The following ADIPOR1 variants were observed in gnomAD, a reference collection of about 807,000 sequenced individuals.
ADIPOR1 encodes the protein adiponectin receptor protein 1.
Under a neutral mutation model 37.5 loss-of-function variants are expected in ADIPOR1, and 15 were observed. The ratio of observed to expected loss-of-function variants is 0.40; its 90% CI spans 0.27 to 0.62. The LOEUF is 0.62. Among genes scored for constraint, ADIPOR1 ranks in the 20% least tolerant of loss-of-function variants. The pLI is 0.42. For synonymous variants in ADIPOR1, 173 were observed against 173.2 expected (o/e 1.00, Z 0.01); for missense variants, 286 against 478.0 (o/e 0.60, Z 3.75).
intron 6 of ADIPOR1, among the ~76,000 whole-genome samples, chr1:202,942,700 A>T (rs1654145113): frequency 1.3e-5 from 2 of 152,210 alleles, no homozygotes; most frequent in Non-Finnish European, 2.9e-5. Flanking sequence ...AAGTAAGGCA[A>T]GAGCAAGGGA....
intron 2 of ADIPOR1, 68 bp downstream of exon 2, chr1:202,950,862 A>G: frequency 6.3e-7 from 1 of 1,593,352 alleles, no homozygotes; most frequent in Non-Finnish European, 8.6e-7. Flanking sequence ...GCTCTTAAAA[A>G]AGAGAAAATG....
chr1:202,944,438 TACAC>T (rs1306914483), intron 5 of ADIPOR1: 1 of 154,182 alleles, frequency 6.5e-6, no homozygotes, highest in Non-Finnish European at 1.4e-5. Context: ...AACAAAATAA[TACAC>T]CACTGTCGCC....
chr1:202,953,723 A>C (rs921412822), intron 1 of ADIPOR1, among the ~76,000 whole-genome samples: 1 of 152,332 alleles, frequency 6.6e-6, no homozygotes, highest in Non-Finnish European at 1.5e-5. Flanking sequence ...AAGTTGAACA[A>C]GTTATAGTAT....
chr1:202,943,588 T>C (rs1462387646), intron 6 of ADIPOR1, among the ~76,000 whole-genome samples, 170 bp downstream of exon 6: 1 of 152,192 alleles, frequency 6.6e-6, no homozygotes, highest in East Asian at 1.9e-4. Context: ...AGTATGACAC[T>C]GGGGGTTGAG....
At chr1:202,946,730 G>A in intron 3 of ADIPOR1, 120 bp from the exon 4 acceptor site, 1 of 973,662 alleles carries the variant, frequency 1.0e-6, no homozygotes, top group South Asian at 1.6e-5. Context: ...CTAGGTAATA[G>A]TGGAGAACCA....
intron 3 of ADIPOR1, 86 bp downstream of exon 3, chr1:202,948,218 C>T (rs1267781196): frequency 2.0e-5 from 22 of 1,100,816 alleles, no homozygotes; most frequent in Admixed American, 7.4e-5. Context: ...AAAAGCTCTT[C>T]GACCCAGTGC....
At chr1:202,953,827 G>A (rs1373135945) in intron 1 of ADIPOR1, among the ~76,000 whole-genome samples, 3 of 152,178 alleles carry the variant, frequency 2.0e-5, no homozygotes, top group African/African-American at 7.2e-5. Context: ...TGGAGGGAGA[G>A]AACCCCTCAA....
rs1168476808 is a variant in ADIPOR1 at position 202,941,552 on chromosome 1, C to T, written c.*21G>A. The stretch of plus-strand genomic sequence containing the variant: ...TAAAAGCACTTGGGAAGTTCCTCCT[C>T]CACCCCGCAGGTGGGAAGGCTCAGA... On this transcript the variant is annotated 3_prime_UTR_variant, in exon 8 of 8. Transcript: ENST00000340990. 4.4e-6 allele frequency: 7 copies of T among 1,592,902 alleles called. No individual in the cohort carries two copies. In the African/African-American group the frequency reaches 8.2e-5, roughly 19 times the overall value.
At chr1:202,942,877 T>TG (rs1654153800) in intron 6 of ADIPOR1, among the ~76,000 whole-genome samples, 1 of 151,104 alleles carries the variant, frequency 6.6e-6, no homozygotes, top group African/African-American at 2.4e-5. Context: ...CTTTCTTTTT[T>TG]TTTTTTGAGA....
upstream of ADIPOR1, chr1:202,958,337 C>T (rs1364582031): frequency 7.9e-5 from 12 of 152,430 alleles, no homozygotes; most frequent in Admixed American, 7.8e-4. Flanking sequence ...GCAGCCGCGT[C>T]ACCTCCTCGC....
At chr1:202,952,926 C>A (rs1291280710) in intron 1 of ADIPOR1, among the ~76,000 whole-genome samples, 3 of 152,184 alleles carry the variant, frequency 2.0e-5, no homozygotes, top group Admixed American at 6.6e-5. Context: ...TGAAAGCAAC[C>A]GGCAATCTAG....
chr1:202,946,590 C>T lies in ADIPOR1; in HGVS notation c.279G>A (p.Arg93=), dbSNP rs1444781463. 1.9e-6 allele frequency: 3 copies of T among 1,613,770 alleles called. No homozygotes were observed. The highest frequency in any genetic ancestry group is 2.5e-6 in the Non-Finnish European group (3 of 1,179,996). Residue 93 remains arginine (R), a synonymous_variant, in exon 4 of 8, where the codon AGG becomes AGA. Transcript: ENST00000340990. ...CAGGGAGCACATCATATGGGATGAC[C>T]CTCCAACGTCCCTCCCAGACCTAGA... ...FVYKVWEGRW[R]VIPYDVLPDW...
At chr1:202,953,811 G>A (rs1418526078) in intron 1 of ADIPOR1, among the ~76,000 whole-genome samples, 1 of 152,210 alleles carries the variant, frequency 6.6e-6, no homozygotes, top group Non-Finnish European at 1.5e-5. Flanking sequence ...TGCTCCAGGA[G>A]GGCAGTGGAG....
intron 2 of ADIPOR1, among the ~76,000 whole-genome samples, chr1:202,950,409 A>C (rs937387358): frequency 9.2e-5 from 14 of 152,136 alleles, no homozygotes; most frequent in Non-Finnish European, 2.9e-5. Flanking sequence ...TCTTATCTCA[A>C]TAAAAATAAA....
chr1:202,945,202 G>GA, intron 4 of ADIPOR1, 33 bp from the exon 5 acceptor site: 1 of 1,534,284 alleles, frequency 6.5e-7, no homozygotes, highest in Non-Finnish European at 8.8e-7. Flanking sequence ...AAACCTGTAA[G>GA]AAAAAAGGGA....
At chr1:202,947,163 C>T (rs1333991715) in intron 3 of ADIPOR1, among the ~76,000 whole-genome samples, 1 of 152,060 alleles carries the variant, frequency 6.6e-6, no homozygotes, top group Non-Finnish European at 1.5e-5. Flanking sequence ...ATCTCTTTGT[C>T]TTTGTTTCAT....
rs1236884895 is a variant in ADIPOR1 at position 202,945,242 on chromosome 1, G to C, written c.431-73C>G. On this transcript the variant is annotated intron_variant, in intron 4 of 7. Coordinates refer to ENST00000340990, the MANE Select transcript of ADIPOR1 (RefSeq NM_015999.6). ...GTACACTTTGATGGTTGATGTTTTT[G>C]AATCAGAGAGCTACAGGCAACATCA... 2.2e-6 allele frequency: 3 copies of C among 1,333,644 alleles called. No individual in the cohort carries two copies. The South Asian group carries it at 5.1e-5, about 23-fold the overall frequency. 82.6% of individuals were successfully genotyped at this position (1,333,644 alleles called of 1,614,324 possible). A position where few individuals can be genotyped will look rare whatever the true frequency, so the allele number is the denominator to read the frequency against.
chr1:202,943,169 A>G (rs1305268308), intron 6 of ADIPOR1, among the ~76,000 whole-genome samples: 1 of 152,208 alleles, frequency 6.6e-6, no homozygotes. Flanking sequence ...CTCCCGGACA[A>G]TATTTAATTA....
In ADIPOR1 at chr1:202,942,005, C is replaced by T. The variant is rs1654109338; in HGVS notation, c.999+20G>A. 1 of 1,599,808 alleles carries T rather than the reference C, an allele frequency of 6.3e-7. No homozygotes were observed. Among genetic ancestry groups the T allele is most frequent in the South Asian group, 1.1e-5 (1 of 89,142 alleles). On this transcript the variant is annotated intron_variant, in intron 7 of 7. Coordinates refer to ENST00000340990, the MANE Select transcript of ADIPOR1 (RefSeq NM_015999.6). Reference sequence around the variant, plus strand: ...TGTTCACTCACCATCACAGGACCTGCTGGAAGATTCATTTCTTACCCATAT... The same window carrying T: ...TGTTCACTCACCATCACAGGACCTGTTGGAAGATTCATTTCTTACCCATAT...
Sources: allele counts gnomAD v4.1 joint callset (sites outside exome capture counted in the v4.1 genomes callset), GRCh38; gene constraint gnomAD v4.1.1; transcripts MANE v1.5; gene names NCBI Gene and HGNC (gene_info 2026-07-23, HGNC 2026-07-21).